TASP1: variants seen among roughly 807,000 people sequenced by gnomAD.
TASP1 encodes taspase 1, also known as threonine aspartase 1.
A neutral mutation model predicts 56.6 loss-of-function variants in TASP1; 16 were observed. That is an observed-to-expected ratio of 0.28 (90% CI 0.19 to 0.43). The LOEUF is 0.43. Ranked by LOEUF, TASP1 falls within the 20% of genes least tolerant of loss-of-function variation. The pLI, the probability that TASP1 is intolerant of heterozygous loss-of-function variation, is 1.00. For synonymous variants in TASP1, 179 were observed against 184.2 expected (o/e 0.97, Z 0.23); for missense variants, 393 against 511.6 (o/e 0.77, Z 2.24).
the TASP1 span, among the ~76,000 whole-genome samples, chr20:13,136,380 C>T: frequency 2.2e-4 from 33 of 151,928 alleles, no homozygotes; most frequent in Non-Finnish European, 4.1e-4. Flanking sequence ...GTGGATCACC[C>T]GAGCTCAGAA....
intron 10 of TASP1, among the ~76,000 whole-genome samples, chr20:13,522,790 G>A (rs1026647639): frequency 1.3e-5 from 2 of 151,966 alleles, no homozygotes; most frequent in Non-Finnish European, 2.9e-5. Context: ...GAGAGAAGAG[G>A]TTCAAGGACT....
At chr20:13,277,471 G>A in the TASP1 span, among the ~76,000 whole-genome samples, 4 of 152,090 alleles carry the variant, frequency 2.6e-5, no homozygotes, top group Non-Finnish European at 5.9e-5. Flanking sequence ...GCATCGCCCT[G>A]TCACTGCCCA....
At chr20:13,609,442 G>T (rs1227031632) in intron 4 of TASP1, among the ~76,000 whole-genome samples, 3 of 152,098 alleles carry the variant, frequency 2.0e-5, no homozygotes, top group Non-Finnish European at 4.4e-5. Flanking sequence ...CCAGCACTTT[G>T]GGAGGCCAAG....
chr20:13,122,458 T>C, the TASP1 span, among the ~76,000 whole-genome samples: 1 of 152,192 alleles, frequency 6.6e-6, no homozygotes, highest in Non-Finnish European at 1.5e-5. Context: ...ACACCAAGCT[T>C]ACTCTTCTGG....
the TASP1 span, among the ~76,000 whole-genome samples, chr20:13,304,861 C>A: frequency 1.3e-5 from 2 of 152,112 alleles, no homozygotes; most frequent in African/African-American, 4.8e-5. Flanking sequence ...AGCTTCCTTG[C>A]CTTCCCCATC....
Position 13,546,028 on chromosome 20 carries a change from T to A in TASP1, c.676-11887A>T, listed in dbSNP as rs1203611170. 5.9e-5 allele frequency among the ~76,000 whole-genome samples: 9 copies of A among 152,268 alleles called. No individual in the cohort carries two copies. In the East Asian group the frequency reaches 1.7e-3, roughly 29 times the overall value. On this transcript the variant is annotated intron_variant, in intron 8 of 13. Coordinates refer to ENST00000337743, the MANE Select transcript of TASP1 (RefSeq NM_017714.3). ...TTTTGTTCTTCTAACACATACCAAATGGCATGATTTCTTTTTATTGTTTAA... is the reference window on the plus strand; with the variant it reads ...TTTTGTTCTTCTAACACATACCAAAAGGCATGATTTCTTTTTATTGTTTAA...
chr20:13,293,492 C>G, the TASP1 span, among the ~76,000 whole-genome samples: 1 of 151,860 alleles, frequency 6.6e-6, no homozygotes, highest in Admixed American at 6.5e-5. Context: ...CAAAATTTAG[C>G]AGTCCTGAGT....
At chr20:13,413,110 C>T (rs142722107) in intron 13 of TASP1, among the ~76,000 whole-genome samples, 38 of 152,204 alleles carry the variant, frequency 2.5e-4, no homozygotes, top group Non-Finnish European at 4.3e-4. Flanking sequence ...AACTGCATGG[C>T]CCAAAGAACT....
chr20:13,408,373 G>T (rs755961557), intron 13 of TASP1, among the ~76,000 whole-genome samples: 2 of 152,050 alleles, frequency 1.3e-5, no homozygotes, highest in East Asian at 1.9e-4. Context: ...GGTGTCCACG[G>T]GCAATAATAC....
At chr20:13,335,324 G>GCACACA in the TASP1 span, among the ~76,000 whole-genome samples, 212 of 141,632 alleles carry the variant, frequency 1.5e-3, no homozygotes, top group Admixed American at 1.7e-3. Context: ...CCTCACCTAT[G>GCACACA]CACACACACA....
the TASP1 span, among the ~76,000 whole-genome samples, chr20:13,248,368 G>C: frequency 0.013 from 1,932 of 152,188 alleles, 50 homozygotes; most frequent in African/African-American, 0.042. Flanking sequence ...TGGAAAATTT[G>C]ATATTCTTTT....
At chr20:13,186,025 G>A in the TASP1 span, among the ~76,000 whole-genome samples, 2 of 152,170 alleles carry the variant, frequency 1.3e-5, no homozygotes, top group Non-Finnish European at 2.9e-5. Flanking sequence ...CTTACCTGGA[G>A]CAAAAGCTGT....
In TASP1 at chr20:13,534,292, A is replaced by G. The variant is rs1313297944; in HGVS notation, c.676-151T>C. The G allele has an allele frequency of 3.1e-6, 3 of 964,270 alleles. No homozygotes were observed. The African/African-American group carries it at 5.0e-5, about 16-fold the overall frequency. The allele number at this position is 964,270 out of a possible 1,614,324, so 59.7% of individuals were successfully genotyped here. On this transcript the variant is annotated intron_variant, in intron 8 of 13. Transcript: ENST00000337743. ...GAGCAATCTCCTAAAATTATCTATT[A>G]TCAAGTTGCCATTTAAATCCTATTT...
chr20:13,190,329 A>T, the TASP1 span, among the ~76,000 whole-genome samples: 1 of 152,168 alleles, frequency 6.6e-6, no homozygotes, highest in Non-Finnish European at 1.5e-5. Context: ...TGACTTCAAA[A>T]TATACTGTAA....
chr20:13,572,812 AT>A (rs1187782556), intron 6 of TASP1, among the ~76,000 whole-genome samples: 2 of 152,116 alleles, frequency 1.3e-5, no homozygotes, highest in African/African-American at 4.8e-5. Context: ...ACTCATGTGA[AT>A]TACAATCTCG....
At chr20:13,174,517 G>T in the TASP1 span, among the ~76,000 whole-genome samples, 1 of 152,108 alleles carries the variant, frequency 6.6e-6, no homozygotes, top group African/African-American at 2.4e-5. Flanking sequence ...GGGCAACGTG[G>T]TAAAACCCCA....
At chr20:13,363,050 GCT>G in the TASP1 span, among the ~76,000 whole-genome samples, 3 of 151,876 alleles carry the variant, frequency 2.0e-5, no homozygotes, top group African/African-American at 7.3e-5. Flanking sequence ...CTAACATACT[GCT>G]CTTTAGATTT....
chr20:13,195,926 C>T, the TASP1 span, among the ~76,000 whole-genome samples: 4 of 152,088 alleles, frequency 2.6e-5, no homozygotes, highest in Admixed American at 6.6e-5. Flanking sequence ...GCATGGCCTG[C>T]CTCCAGAAAA....
chr20:13,280,289 C>T, the TASP1 span, among the ~76,000 whole-genome samples: 3 of 151,108 alleles, frequency 2.0e-5, no homozygotes, highest in Non-Finnish European at 2.9e-5. Flanking sequence ...GAGATACGTA[C>T]GGCTGCTTCC....
Sources: allele counts gnomAD v4.1 joint callset (sites outside exome capture counted in the v4.1 genomes callset), GRCh38; gene constraint gnomAD v4.1.1; transcripts MANE v1.5; gene names NCBI Gene and HGNC (gene_info 2026-07-23, HGNC 2026-07-21).